Variants in KAZN observed in about 807,000 individuals in gnomAD.
KAZN encodes the protein kazrin.
In KAZN, 40 loss-of-function variants were observed where a neutral mutation model predicts 87.4. The ratio of observed to expected loss-of-function variants is 0.46; its 90% confidence interval spans 0.36 to 0.60. The LOEUF is 0.60. KAZN is among the 20% of genes least tolerant of loss of function. The probability of loss-of-function intolerance (pLI) is 0.00; values close to 1 mark genes in which losing one functional copy is unlikely to be tolerated. For missense variants in KAZN, 898 were observed against 1,073.9 expected, an observed-to-expected ratio of 0.84 and a Z score of 2.29; for synonymous variants, 466 against 458.3, an observed-to-expected ratio of 1.02 and a Z score of -0.22.
Position 14,960,694 on chromosome 1 carries a change from G to A in KAZN, c.237G>A (p.Arg79=), listed in dbSNP as rs780917216. ...NPQLGAQVLL[R]EEVSRLQEEV... ...GCCCTTCTCCCCTAGTGCTCCTGCG[G>A]GAAGAAGTGTCGCGGCTCCAGGAGG... The change falls in exon 2 of 15, where the codon CGG becomes CGA. Residue 79 remains arginine (R), a synonymous_variant. Transcript: ENST00000376030. 3 of 1,567,214 alleles carry A rather than the reference G, an allele frequency of 1.9e-6. No homozygotes were observed. Among genetic ancestry groups the A allele is most frequent in the African/African-American group, 1.4e-5 (1 of 73,982 alleles).
intron 1 of KAZN, chr1:14,924,488 C>T: frequency 1.0e-6 from 1 of 995,846 alleles, no homozygotes; most frequent in Non-Finnish European, 1.2e-6. Context: ...AGCCTGCGAG[C>T]AGTGCGTGGA....
At chr1:14,155,182 G>A (rs150678101) in intron 1 of KAZN, among the ~76,000 whole-genome samples, 1 of 151,592 alleles carries the variant, frequency 6.6e-6, no homozygotes, top group Non-Finnish European at 1.5e-5. Context: ...TTTACTGGGA[G>A]AATTTTTATT....
chr1:13,901,121 G>A (rs894526353), intron 1 of KAZN, among the ~76,000 whole-genome samples: 1 of 151,618 alleles, frequency 6.6e-6, no homozygotes, highest in Non-Finnish European at 1.5e-5. Flanking sequence ...AGAACCGACC[G>A]GTTATAAAAA....
At chr1:14,339,553 T>G (rs1657527788) in intron 2 of KAZN, among the ~76,000 whole-genome samples, 1 of 152,170 alleles carries the variant, frequency 6.6e-6, no homozygotes, top group Non-Finnish European at 1.5e-5. Context: ...AGCCGACGTT[T>G]CTGTTCGAGC....
At chr1:14,958,051 G>A (rs28375358) in intron 1 of KAZN, among the ~76,000 whole-genome samples, 20,341 of 152,168 alleles carry the variant, frequency 0.13, 1,503 homozygotes, top group South Asian at 0.25. Context: ...TCCCAAGGCC[G>A]CTGGTGGGAG....
intron 1 of KAZN, among the ~76,000 whole-genome samples, chr1:14,697,992 C>T (rs1030484228): frequency 6.6e-6 from 1 of 152,184 alleles, no homozygotes; most frequent in African/African-American, 2.4e-5. Context: ...GCCGGAAAAA[C>T]TGAGTCTCCC....
chr1:14,151,049 G>C (rs552512651), intron 1 of KAZN, among the ~76,000 whole-genome samples: 10 of 152,200 alleles, frequency 6.6e-5, no homozygotes, highest in African/African-American at 1.9e-4. Flanking sequence ...GAACAGTGTA[G>C]TCTCCATTCA....
chr1:14,663,439 G>A (rs532834703), intron 1 of KAZN, among the ~76,000 whole-genome samples: 12 of 152,220 alleles, frequency 7.9e-5, no homozygotes, highest in African/African-American at 2.2e-4. Context: ...TTCCTTTCTC[G>A]ATTGCCAGCT....
intron 1 of KAZN, among the ~76,000 whole-genome samples, chr1:14,114,252 G>A (rs1270277246): frequency 6.6e-6 from 1 of 152,122 alleles, no homozygotes; most frequent in Non-Finnish European, 1.5e-5. Context: ...GTGGGTGACC[G>A]AATATGTCAT....
chr1:14,460,971 C>A (rs941082712), intron 2 of KAZN, among the ~76,000 whole-genome samples: 9 of 152,182 alleles, frequency 5.9e-5, no homozygotes, highest in African/African-American at 2.2e-4. Context: ...AGAGGCCAGG[C>A]TCAAACCTAG....
intron 2 of KAZN, among the ~76,000 whole-genome samples, chr1:14,394,566 T>C (rs1662734460): frequency 6.6e-6 from 1 of 152,212 alleles, no homozygotes; most frequent in Admixed American, 6.5e-5. Context: ...ATAACACTCC[T>C]GGGAAAATAT....
intron 2 of KAZN, among the ~76,000 whole-genome samples, chr1:14,200,691 C>T (rs1199788198): frequency 2.0e-5 from 3 of 152,044 alleles, no homozygotes; most frequent in Admixed American, 6.5e-5. Context: ...ATTTTGTATG[C>T]ATATATCTTG....
chr1:14,296,944 C>T (rs1654168695), intron 2 of KAZN, among the ~76,000 whole-genome samples: 1 of 152,006 alleles, frequency 6.6e-6, no homozygotes, highest in Admixed American at 6.6e-5. Flanking sequence ...GTCATGTTAT[C>T]GTTATGCACA....
At chr1:14,058,541 G>A (rs1348958061) in intron 1 of KAZN, among the ~76,000 whole-genome samples, 1 of 152,192 alleles carries the variant, frequency 6.6e-6, no homozygotes, top group Non-Finnish European at 1.5e-5. Context: ...TGGGCTATGT[G>A]CTCGATGCTG....
intron 1 of KAZN, among the ~76,000 whole-genome samples, chr1:14,911,918 G>A (rs536220113): frequency 3.7e-4 from 57 of 152,200 alleles, no homozygotes; most frequent in African/African-American, 1.0e-3. Context: ...TTGGGAGGCC[G>A]AGGCAGGTAG....
intron 2 of KAZN, among the ~76,000 whole-genome samples, chr1:14,371,322 C>G (rs939284595): frequency 1.3e-5 from 2 of 152,190 alleles, no homozygotes; most frequent in Non-Finnish European, 2.9e-5. Context: ...GAGTTCTTCA[C>G]TGTGGTATTG....
intron 1 of KAZN, among the ~76,000 whole-genome samples, chr1:13,985,279 A>T (rs1013128799): frequency 6.6e-6 from 1 of 152,012 alleles, no homozygotes; most frequent in East Asian, 1.9e-4. Flanking sequence ...ATATGTATAC[A>T]TGTGCCATGC....
chr1:14,333,053 C>A (rs1656966340), intron 2 of KAZN, among the ~76,000 whole-genome samples: 3 of 152,142 alleles, frequency 2.0e-5, no homozygotes, highest in African/African-American at 7.2e-5. Flanking sequence ...CACTCCCTGA[C>A]AGGCCCTGGT....
At chr1:14,149,342 C>T (rs930994471) in intron 1 of KAZN, among the ~76,000 whole-genome samples, 45 of 151,698 alleles carry the variant, frequency 3.0e-4, no homozygotes, top group African/African-American at 1.1e-3. Context: ...CTCCTGACCT[C>T]GTGATCCACC....
Sources: gnomAD v4.1 joint callset for allele counts (sites outside exome capture counted in the v4.1 genomes callset) on GRCh38, gnomAD v4.1.1 for gene constraint, MANE v1.5 for transcripts, NCBI Gene and HGNC (gene_info 2026-07-23, HGNC 2026-07-21) for gene names.